The following ATP6V1C2 variants were observed in gnomAD, a reference collection of about 807,000 sequenced individuals.
ATP6V1C2 encodes the protein V-type proton ATPase subunit C 2.
ATP6V1C2 carries 45 observed loss-of-function variants against 56.8 expected under a neutral mutation model. The ratio of observed to expected loss-of-function variants is 0.79; its 90% CI spans 0.62 to 1.02. The LOEUF (loss-of-function observed/expected upper bound fraction) is 1.02, where lower values mean the gene tolerates loss of function less well. Among genes scored for constraint, ATP6V1C2 ranks in the 50% least tolerant of loss-of-function variants. The pLI is 0.00. For synonymous variants in ATP6V1C2, 220 were observed against 201.3 expected, an observed-to-expected ratio of 1.09 and a Z score of -0.79; for missense variants, 463 against 519.7, an observed-to-expected ratio of 0.89 and a Z score of 1.06.
rs2148517731 is a variant in ATP6V1C2, at chr2:10,780,238, A to AT, written c.1061+1570dup. ...CCCTGTTTCTGCCAGTGGCCTCCTC[A>AT]TCCTTCCCCTTATCAGACCCCAAAC... On this transcript the variant is annotated intron_variant, in intron 12 of 13. Coordinates refer to ENST00000272238, the MANE Select transcript of ATP6V1C2 (RefSeq NM_001039362.2). The surrounding 1 kb of genome is among the most constrained non-coding windows in gnomAD (Gnocchi z 4.1). Among the ~76,000 whole-genome samples, 1 of 151,856 alleles carries AT rather than the reference A, an allele frequency of 6.6e-6. No individual in the cohort carries two copies. The highest frequency in any genetic ancestry group is 2.1e-4 in the South Asian group (1 of 4,796).
intron 2 of ATP6V1C2, among the ~76,000 whole-genome samples, chr2:10,724,449 G>A (rs1193311668): frequency 6.6e-6 from 1 of 152,098 alleles, no homozygotes; most frequent in African/African-American, 2.4e-5. Flanking sequence ...ACATCTTGCT[G>A]CCTTTTTAAG....
At chr2:10,732,515 C>G (rs1385998569) in intron 3 of ATP6V1C2, among the ~76,000 whole-genome samples, 2 of 152,070 alleles carry the variant, frequency 1.3e-5, no homozygotes, top group Non-Finnish European at 2.9e-5. Context: ...CAGCCTTGGC[C>G]TCCCAAAGTG....
In ATP6V1C2 at chr2:10,783,345, T is replaced by C; in HGVS notation, c.*82T>C. The C allele has an allele frequency of 3.4e-6, 3 of 885,766 alleles. No individual in the cohort carries two copies. The highest frequency in any genetic ancestry group is 5.4e-6 in the Non-Finnish European group (3 of 556,932). The allele number at this position is 885,766 out of a possible 1,614,324, so 54.9% of individuals were successfully genotyped here. ...TCCTTTAGCCAGAGAATGGTTCAAATGTCTTACAGAACTAAGATCTTTTTC... is the reference window on the plus strand; with the variant it reads ...TCCTTTAGCCAGAGAATGGTTCAAACGTCTTACAGAACTAAGATCTTTTTC... On this transcript the variant is annotated 3_prime_UTR_variant, in exon 14 of 14. Coordinates refer to ENST00000272238, the MANE Select transcript of ATP6V1C2 (RefSeq NM_001039362.2).
rs182940042 is a variant in ATP6V1C2, at chr2:10,781,709, T to A, written c.1062-534T>A. Among the ~76,000 whole-genome samples, 566 of 152,312 alleles carry A rather than the reference T, an allele frequency of 3.7e-3. 5 individuals carry two copies. Among genetic ancestry groups the A allele is most frequent in the African/African-American group, 0.013 (547 of 41,570 alleles). On this transcript the variant is annotated intron_variant, in intron 12 of 13. Coordinates refer to ENST00000272238, the MANE Select transcript of ATP6V1C2 (RefSeq NM_001039362.2). ...ATACATCAACAATCACAAAATGTTT[T>A]CCATTTACAGCACTTGCTATATTTT...
rs112635939 is a variant in ATP6V1C2 at position 10,733,485 on chromosome 2, A to G, written c.197+6916A>G. Among the ~76,000 whole-genome samples, 1,116 of 152,266 alleles carry G rather than the reference A, an allele frequency of 7.3e-3. 12 individuals are homozygous for G. Among genetic ancestry groups the G allele is most frequent in the African/African-American group, 0.024 (1,015 of 41,554 alleles). On this transcript the variant is annotated intron_variant, in intron 3 of 13. Coordinates refer to ENST00000272238, the MANE Select transcript of ATP6V1C2 (RefSeq NM_001039362.2). ...TTATTATTTATTTACTTAGGGCACT[A>G]GAGTGTTTTTCCATGTAGTTGGAAG...
intron 6 of ATP6V1C2, among the ~76,000 whole-genome samples, chr2:10,770,582 G>A (rs546016910): frequency 2.0e-5 from 3 of 152,334 alleles, no homozygotes; most frequent in South Asian, 4.1e-4. Context: ...CCATCCACTC[G>A]CATGGCATCA....
chr2:10,780,147 T>C lies in ATP6V1C2; in HGVS notation c.1061+1478T>C, dbSNP rs954540830. On this transcript the variant is annotated intron_variant, in intron 12 of 13. Coordinates refer to ENST00000272238, the MANE Select transcript of ATP6V1C2 (RefSeq NM_001039362.2). This position sits in a 1 kb window ranked among gnomAD's most constrained non-coding sequence, Gnocchi z 4.1. ...GTTCCCTGGTTTCCAGGTCCTGCCA[T>C]CTGCCTGCCGTAGGCTTTACCTGGG... Among the ~76,000 whole-genome samples the C allele has an allele frequency of 1.3e-5, 2 of 152,152 alleles. No homozygotes were observed. Among genetic ancestry groups the C allele is most frequent in the African/African-American group, 4.8e-5 (2 of 41,420 alleles).
Position 10,784,187 on chromosome 2 carries a change from G to A in ATP6V1C2, c.*924G>A. ...GTAGAGTCATCTGAGTGTAGAGAATGTCCCTTCACTGCTGGAAAAATCCAC... is the reference window on the plus strand; with the variant it reads ...GTAGAGTCATCTGAGTGTAGAGAATATCCCTTCACTGCTGGAAAAATCCAC... On this transcript the variant is annotated 3_prime_UTR_variant, in exon 14 of 14. Coordinates refer to ENST00000272238, the MANE Select transcript of ATP6V1C2 (RefSeq NM_001039362.2). 2 of 1,133,306 alleles carry A rather than the reference G, an allele frequency of 1.8e-6. No individual in the cohort carries two copies. The highest frequency in any genetic ancestry group is 2.7e-5 in the South Asian group (2 of 73,406). 70.2% of individuals were successfully genotyped at this position (1,133,306 alleles called of 1,614,324 possible).
intron 3 of ATP6V1C2, among the ~76,000 whole-genome samples, chr2:10,744,779 C>T (rs890748689): frequency 1.3e-5 from 2 of 150,466 alleles, no homozygotes; most frequent in African/African-American, 2.4e-5. Flanking sequence ...AGCAATTCTC[C>T]TGCCTCTGCC....
At chr2:10,765,367 C>A (rs957235870) in intron 5 of ATP6V1C2, among the ~76,000 whole-genome samples, 8 of 152,248 alleles carry the variant, frequency 5.3e-5, no homozygotes, top group Non-Finnish European at 1.2e-4. Context: ...CTGGCCCTCC[C>A]TTCTGCCACA....
chr2:10,775,148 C>A, intron 10 of ATP6V1C2, 77 bp downstream of exon 10: 1 of 1,062,246 alleles, frequency 9.4e-7, no homozygotes, highest in Non-Finnish European at 1.5e-6. Flanking sequence ...AGGTCTCCAG[C>A]TCTCCCTCCT....
intron 10 of ATP6V1C2, among the ~76,000 whole-genome samples, chr2:10,776,266 CG>C (rs1664968552): frequency 6.6e-6 from 1 of 151,026 alleles, no homozygotes; most frequent in African/African-American, 2.4e-5. Context: ...CGCTCACACA[CG>C]TGTGTGTGTG....
chr2:10,746,503 C>A (rs965146115), intron 3 of ATP6V1C2, among the ~76,000 whole-genome samples: 1 of 151,784 alleles, frequency 6.6e-6, no homozygotes, highest in Non-Finnish European at 1.5e-5. Flanking sequence ...ACCTCCACCT[C>A]CCAGGTTCAA....
chr2:10,730,660 T>A (rs1435846995), intron 3 of ATP6V1C2, among the ~76,000 whole-genome samples: 6 of 150,510 alleles, frequency 4.0e-5, no homozygotes, highest in Non-Finnish European at 8.9e-5. Flanking sequence ...AACCTTTTTT[T>A]TTTTTTTTTG....
intron 12 of ATP6V1C2, among the ~76,000 whole-genome samples, chr2:10,779,106 T>G (rs1665183157): frequency 1.0e-5 from 1 of 98,886 alleles, no homozygotes; most frequent in South Asian, 3.2e-4. Context: ...TTATTTTGCC[T>G]TTTTTTTTTT....
rs1454821626 is a variant in ATP6V1C2 at position 10,783,949 on chromosome 2, A to C, written c.*686A>C. 4.4e-6 allele frequency: 1 copy of C among 225,142 alleles called. No individual in the cohort carries two copies. The highest frequency in any genetic ancestry group is 2.3e-5 in the African/African-American group (1 of 44,040). 13.9% of individuals were successfully genotyped at this position (225,142 alleles called of 1,614,324 possible). On this transcript the variant is annotated 3_prime_UTR_variant, in exon 14 of 14. Transcript: ENST00000272238. ...ACATTAAAAAAAACCCATACATAAG[A>C]AACAGCCTCCAAGAACATTCAAGCA...
intron 4 of ATP6V1C2, among the ~76,000 whole-genome samples, chr2:10,757,796 C>T (rs567265149): frequency 6.6e-6 from 1 of 152,338 alleles, no homozygotes; most frequent in Admixed American, 6.5e-5. Flanking sequence ...CGACTGCCTG[C>T]TCTTTGAGCC....
chr2:10,754,820 G>A (rs1160274443), intron 4 of ATP6V1C2, among the ~76,000 whole-genome samples: 3 of 151,770 alleles, frequency 2.0e-5, no homozygotes, highest in Non-Finnish European at 4.4e-5. Flanking sequence ...CCTTGTGTCC[G>A]CCCGCCTCGG....
intron 13 of ATP6V1C2, among the ~76,000 whole-genome samples, chr2:10,782,829 C>CAAAAAAAAAAA (rs60533807): frequency 1.9e-5 from 1 of 52,202 alleles, no homozygotes; most frequent in African/African-American, 6.3e-5. Flanking sequence ...GACTCTGTCT[C>CAAAAAAAAAAA]AAAAAAAAAA....
Sources: gnomAD v4.1 joint callset for allele counts (sites outside exome capture counted in the v4.1 genomes callset) on GRCh38, gnomAD v4.1.1 for gene constraint, Gnocchi (gnomAD v3.1) non-coding constraint, MANE v1.5 for transcripts, NCBI Gene and HGNC (gene_info 2026-07-23, HGNC 2026-07-21) for gene names.